DNAJC13: variants seen among roughly 807,000 people sequenced by gnomAD.
The protein encoded by DNAJC13 is DnaJ heat shock protein family (Hsp40) member C13.
In DNAJC13, 75 loss-of-function variants were observed where a neutral mutation model predicts 290.5. The ratio of observed to expected loss-of-function variants is 0.26; its 90% CI spans 0.21 to 0.31. The LOEUF (loss-of-function observed/expected upper bound fraction) is 0.31. Ranked by LOEUF, DNAJC13 falls within the 10% of genes least tolerant of loss-of-function variation. The probability of loss-of-function intolerance (pLI) is 1.00; values close to 1 mark genes in which losing one functional copy is unlikely to be tolerated. For missense variants in DNAJC13, 2,260 were observed against 2,674.5 expected (o/e 0.85, Z 3.42); for synonymous variants, 862 against 892.0 (o/e 0.97, Z 0.60).
intron 22 of DNAJC13, among the ~76,000 whole-genome samples, chr3:132,476,496 A>C (rs1934478580): frequency 6.6e-6 from 1 of 152,210 alleles, no homozygotes; most frequent in Non-Finnish European, 1.5e-5. Flanking sequence ...TCAACATTGG[A>C]GGGTTACCTT....
At chr3:132,447,873 A>G (rs772683718) in intron 4 of DNAJC13, 25 bp from the exon 5 acceptor site, 8 of 1,596,262 alleles carry the variant, frequency 5.0e-6, no homozygotes, top group South Asian at 3.4e-5. Context: ...GTTGTCATAA[A>G]CTGTGGTTAT....
At position 132,521,839 on chromosome 3, in the gene DNAJC13, A is replaced by G. The variant is rs182150740; in HGVS notation, c.5674-989A>G. Among the ~76,000 whole-genome samples the G allele has an allele frequency of 2.6e-5, 4 of 152,372 alleles. No homozygotes were observed. In the East Asian group the frequency reaches 7.7e-4, roughly 29 times the overall value. On this transcript the variant is annotated intron_variant, in intron 48 of 55. Transcript: ENST00000260818. Reference sequence around the variant, plus strand: ...GTTTACCTTGATGGTATTATTTAATATATAACAAATGCCCTTCCATGGGAA... The same window carrying G: ...GTTTACCTTGATGGTATTATTTAATGTATAACAAATGCCCTTCCATGGGAA...
In DNAJC13 at chr3:132,467,174, A is replaced by G. The variant is rs1934023995; in HGVS notation, c.2069A>G (p.Gln690Arg). The G allele has an allele frequency of 6.2e-7, 1 of 1,611,318 alleles. No homozygotes were observed. The highest frequency in any genetic ancestry group is 8.5e-7 in the Non-Finnish European group (1 of 1,179,210). Reference sequence around the variant, plus strand: ...GATTCCAACATTATTTTACAGGATCAGTATGGAAAATTTAATAAAGTTCCA... The same window carrying G: ...GATTCCAACATTATTTTACAGGATCGGTATGGAAAATTTAATAAAGTTCCA... Reference protein sequence around the residue: ...VRDNVKIAMDQYGKFNKVPEW... With the variant: ...VRDNVKIAMDRYGKFNKVPEW... The change falls in exon 20 of 56, where the codon CAG (glutamine) becomes CGG (arginine). Residue 690 changes from glutamine to arginine, a missense_variant. Gln to Arg is a conservative substitution (Grantham distance 43). This residue lies in a region of DNAJC13 where 762 missense variants were observed against 964.1 expected (regional missense o/e 0.79). Coordinates refer to ENST00000260818, the MANE Select transcript of DNAJC13 (RefSeq NM_015268.4).
rs1934357913 is a variant in DNAJC13 at position 132,473,495 on chromosome 3, A to G, written c.2291+268A>G. 2.0e-5 allele frequency among the ~76,000 whole-genome samples: 3 copies of G among 152,224 alleles called. No individual in the cohort carries two copies. The South Asian group carries it at 6.2e-4, about 31-fold the overall frequency. On this transcript the variant is annotated intron_variant, in intron 21 of 55. Coordinates refer to ENST00000260818, the MANE Select transcript of DNAJC13 (RefSeq NM_015268.4). Reference sequence around the variant, plus strand: ...GCTTATTTTAAAAATACTTCATTACAGGCTTAGAAATAATTGCATACTTCC... The same window carrying G: ...GCTTATTTTAAAAATACTTCATTACGGGCTTAGAAATAATTGCATACTTCC...
At chr3:132,443,313 T>G (rs919497056) in intron 2 of DNAJC13, among the ~76,000 whole-genome samples, 6 of 152,134 alleles carry the variant, frequency 3.9e-5, no homozygotes, top group Admixed American at 2.0e-4. Flanking sequence ...CCATCATGCC[T>G]GGCTAATTTT....
intron 2 of DNAJC13, among the ~76,000 whole-genome samples, chr3:132,436,049 C>T (rs769672553): frequency 6.6e-6 from 1 of 152,118 alleles, no homozygotes; most frequent in Non-Finnish European, 1.5e-5. Context: ...AGCTTTAAGG[C>T]ATAACTTATA....
At chr3:132,531,174 T>A in intron 55 of DNAJC13, 77 bp downstream of exon 55, 2 of 1,257,858 alleles carry the variant, frequency 1.6e-6, no homozygotes, top group South Asian at 1.2e-5. Flanking sequence ...TAAATAGACT[T>A]AAAATTGTGT....
chr3:132,516,211 T>TA (rs1205919993), intron 46 of DNAJC13, among the ~76,000 whole-genome samples: 1 of 152,324 alleles, frequency 6.6e-6, no homozygotes, highest in Non-Finnish European at 1.5e-5. Context: ...CTATACCACT[T>TA]ATTAGCTGTG....
rs1426178015 is a variant in DNAJC13, at chr3:132,496,656, T to A, written c.4149T>A (p.His1383Gln). ...CACAGAGCATCCTCTTCAACCGTCA[T>A]AAAGAAGGTAAGATGTCTGTTCTCA... ...LKTQSILFNR[H>Q]KEDLQPYKYA... is the part of the protein sequence containing the mutation. Residue 1383 changes from histidine to glutamine, a missense_variant, in exon 36 of 56, where the codon CAT becomes CAA. Coordinates refer to ENST00000260818, the MANE Select transcript of DNAJC13 (RefSeq NM_015268.4). 1 of 1,605,786 alleles carries A rather than the reference T, an allele frequency of 6.2e-7. No homozygotes were observed. Among genetic ancestry groups the A allele is most frequent in the African/African-American group, 1.3e-5 (1 of 74,506 alleles).
At chr3:132,450,913 C>A in intron 6 of DNAJC13, 66 bp downstream of exon 6, 1 of 923,126 alleles carries the variant, frequency 1.1e-6, no homozygotes, top group Non-Finnish European at 1.6e-6. Flanking sequence ...GAAAGCAAAG[C>A]TTTTTATACT....
chr3:132,441,202 G>C (rs1186982561), intron 2 of DNAJC13, among the ~76,000 whole-genome samples: 1 of 152,224 alleles, frequency 6.6e-6, no homozygotes, highest in Non-Finnish European at 1.5e-5. Flanking sequence ...AGAAGAATTA[G>C]GTATGCTCTG....
chr3:132,518,025 A>G (rs1576516375), intron 48 of DNAJC13, among the ~76,000 whole-genome samples: 2 of 152,110 alleles, frequency 1.3e-5, no homozygotes, highest in African/African-American at 4.8e-5. Flanking sequence ...CATAACTGTA[A>G]TATCTAATAT....
chr3:132,483,514 A>C lies in DNAJC13; in HGVS notation c.3119A>C (p.Glu1040Ala). Residue 1040 changes from glutamate to alanine, a missense_variant, in exon 28 of 56, where the codon GAA (glutamate) becomes GCA (alanine). By Grantham distance (107) the Glu-to-Ala change is moderately radical (BLOSUM62 -1). Coordinates refer to ENST00000260818, the MANE Select transcript of DNAJC13 (RefSeq NM_015268.4). ...LLASGQAVLN[E>A]TDLATLILNM... ...GCCAGTGGACAGGCTGTCCTGAATG[A>C]AACTGACCTTGCTACCCTTATATTG... 6.2e-7 allele frequency: 1 copy of C among 1,614,164 alleles called. No individual in the cohort carries two copies. The highest frequency in any genetic ancestry group is 8.5e-7 in the Non-Finnish European group (1 of 1,180,012).
intron 1 of DNAJC13, among the ~76,000 whole-genome samples, chr3:132,431,437 C>T (rs1416570757): frequency 6.6e-6 from 1 of 151,830 alleles, no homozygotes; most frequent in Non-Finnish European, 1.5e-5. Context: ...TGTTTAGGGT[C>T]GGCATCATTG....
intron 29 of DNAJC13, among the ~76,000 whole-genome samples, chr3:132,486,994 A>G (rs1311389395): frequency 2.6e-5 from 4 of 152,086 alleles, no homozygotes; most frequent in Non-Finnish European, 5.9e-5. Flanking sequence ...GTTTGCCACT[A>G]ATTTCCGTAA....
intron 20 of DNAJC13, among the ~76,000 whole-genome samples, chr3:132,470,770 G>T (rs1934196975): frequency 8.2e-6 from 1 of 122,510 alleles, no homozygotes; most frequent in Non-Finnish European, 1.7e-5. Flanking sequence ...CCTCCCAGAC[G>T]GGGCGGCTGG....
intron 43 of DNAJC13, among the ~76,000 whole-genome samples, chr3:132,508,572 G>A (rs1020504640): frequency 6.6e-6 from 1 of 152,092 alleles, no homozygotes; most frequent in East Asian, 1.9e-4. Context: ...ATAGGTAGAG[G>A]CTAAACAGTG....
intron 20 of DNAJC13, among the ~76,000 whole-genome samples, chr3:132,470,541 C>A (rs1934168997): frequency 7.3e-6 from 1 of 136,758 alleles, no homozygotes; most frequent in South Asian, 2.4e-4. Flanking sequence ...CAGAGGGGCT[C>A]CTCACTTCCC....
chr3:132,526,088 A>G lies in DNAJC13; in HGVS notation c.6241-53A>G, dbSNP rs968990118. On this transcript the variant is annotated intron_variant, in intron 52 of 55. Coordinates refer to ENST00000260818, the MANE Select transcript of DNAJC13 (RefSeq NM_015268.4). ...TACTTATTTTGTTATGGTATTTACTATGTTATATAAATATTGCCAGTCTAC... is the reference window on the plus strand; with the variant it reads ...TACTTATTTTGTTATGGTATTTACTGTGTTATATAAATATTGCCAGTCTAC... 27 of 1,596,822 alleles carry G rather than the reference A, an allele frequency of 1.7e-5. No homozygotes were observed. The East Asian group carries it at 3.8e-4, about 23-fold the overall frequency.
Sources: gnomAD v4.1 joint callset for allele counts (sites outside exome capture counted in the v4.1 genomes callset) on GRCh38, gnomAD v4.1.1 for gene constraint, gnomAD v4.1.1 regional missense constraint, MANE v1.5 for transcripts, NCBI Gene and HGNC (gene_info 2026-07-23, HGNC 2026-07-21) for gene names.